The following PKD1L1 variants were observed in gnomAD, a reference collection of about 807,000 sequenced individuals.
PKD1L1 encodes polycystin-1-like protein 1.
In PKD1L1, 236 loss-of-function variants were observed where a neutral mutation model predicts 323.4. The observed-to-expected ratio is 0.73, with a 90% CI of 0.66 to 0.81. PKD1L1 has a LOEUF of 0.81. PKD1L1 is among the 40% of genes least tolerant of loss of function. PKD1L1 has a pLI of 0.00. For synonymous variants in PKD1L1, 1,344 were observed against 1,335.0 expected (o/e 1.01, Z -0.15); for missense variants, 3,320 against 3,508.0 (o/e 0.95, Z 1.35).
intron 45 of PKD1L1, among the ~76,000 whole-genome samples, chr7:47,821,647 T>G (rs1257336690): frequency 1.8e-5 from 2 of 110,496 alleles, no homozygotes; most frequent in African/African-American, 2.7e-5. Flanking sequence ...TGTGTTGGGG[T>G]TTATTTATTT....
At chr7:47,808,798 G>C (rs899620718) in intron 51 of PKD1L1, among the ~76,000 whole-genome samples, 6 of 152,218 alleles carry the variant, frequency 3.9e-5, no homozygotes, top group African/African-American at 1.4e-4. Flanking sequence ...TGCAGGACCA[G>C]AAGTGGCTCT....
In PKD1L1 at chr7:47,865,199, G is replaced by A; in HGVS notation, c.4149+17C>T. On this transcript the variant is annotated intron_variant, in intron 26 of 56. Transcript: ENST00000289672. ...ATATAAAATAGGAAAATATTTCTGG[G>A]AAAAAATTGCACTTACCTTATTAGA... is the stretch of plus-strand genomic sequence containing the variant. 1.9e-6 allele frequency: 3 copies of A among 1,599,908 alleles called. No individual in the cohort carries two copies. The highest frequency in any genetic ancestry group is 8.5e-7 in the Non-Finnish European group (1 of 1,169,718).
chr7:47,953,801 T>C, the PKD1L1 span, among the ~76,000 whole-genome samples: 1 of 152,252 alleles, frequency 6.6e-6, no homozygotes. Context: ...TTATGTGCTC[T>C]GCCTCCTTGG....
At position 47,929,449 on chromosome 7, in the gene PKD1L1, G is replaced by T. The variant is rs1212545757; in HGVS notation, c.815C>A (p.Pro272His). The change falls in exon 7 of 57, where the codon CCC becomes CAC. Residue 272 changes from proline (P) to histidine (H), a missense_variant. Transcript: ENST00000289672. The part of the protein sequence containing the change: ...ASQSGSEILY[P>H]PTQHPPVAIL... Reference sequence around the variant, plus strand: ...GGCCACAGGAGGATGCTGAGTAGGGGGATAGAGGATCTCAGAACCAGACTG... The same window carrying T: ...GGCCACAGGAGGATGCTGAGTAGGGTGATAGAGGATCTCAGAACCAGACTG... The T allele has an allele frequency of 6.2e-7, 1 of 1,613,974 alleles. No individual in the cohort carries two copies. Among genetic ancestry groups the T allele is most frequent in the African/African-American group, 1.3e-5 (1 of 74,904 alleles).
intron 49 of PKD1L1, among the ~76,000 whole-genome samples, chr7:47,812,262 C>T (rs189906181): frequency 6.6e-6 from 1 of 152,232 alleles, no homozygotes; most frequent in East Asian, 1.9e-4. Flanking sequence ...TTGCCCCACC[C>T]TCTTCCCTGC....
chr7:47,852,128 T>C (rs1785794916), intron 31 of PKD1L1, among the ~76,000 whole-genome samples: 1 of 152,122 alleles, frequency 6.6e-6, no homozygotes, highest in Non-Finnish European at 1.5e-5. Flanking sequence ...TGCAACTTTC[T>C]CTCTAACGGC....
At chr7:47,948,515 A>C, upstream of PKD1L1, 1 of 1,419,368 alleles carries the variant, frequency 7.0e-7, no homozygotes, top group Admixed American at 1.7e-5. Flanking sequence ...AGACAAAGAA[A>C]TAGAGCTTAA....
chr7:47,846,250 C>A (rs1011612347), intron 32 of PKD1L1, among the ~76,000 whole-genome samples: 2 of 152,036 alleles, frequency 1.3e-5, no homozygotes, highest in Admixed American at 6.5e-5. Flanking sequence ...GTAAGGGCAA[C>A]AAAAAAGAAT....
In PKD1L1 at chr7:47,839,997, A is replaced by C. The variant is rs1785535301; in HGVS notation, c.5553-335T>G. 6.6e-6 allele frequency among the ~76,000 whole-genome samples: 1 copy of C among 152,330 alleles called. No homozygotes were observed. The highest frequency in any genetic ancestry group is 2.1e-4 in the South Asian group (1 of 4,830). On this transcript the variant is annotated intron_variant, in intron 35 of 56. Coordinates refer to ENST00000289672, the MANE Select transcript of PKD1L1 (RefSeq NM_138295.5). This position sits in a 1 kb window ranked among gnomAD's most constrained non-coding sequence, Gnocchi z 4.3. ...CTCTTAATGAAGACATAATACTCCA[A>C]ACCTATAAATATCATACATGAAATT...
chr7:47,832,941 T>C (rs1230004814), intron 41 of PKD1L1, 149 bp downstream of exon 41: 1 of 1,056,408 alleles, frequency 9.5e-7, no homozygotes, highest in East Asian at 2.7e-5. Context: ...ACGCCTCAGT[T>C]TTGGGTGGGC....
chr7:47,960,690 A>AT, the PKD1L1 span, among the ~76,000 whole-genome samples: 1 of 141,188 alleles, frequency 7.1e-6, no homozygotes, highest in South Asian at 2.2e-4. Context: ...AATTTTTCTA[A>AT]TTAAAAAAAA....
At chr7:47,928,308 C>T (rs959743840) in intron 7 of PKD1L1, among the ~76,000 whole-genome samples, 1 of 152,196 alleles carries the variant, frequency 6.6e-6, no homozygotes, top group African/African-American at 2.4e-5. Context: ...GTGGCTCACA[C>T]CTGTAATCCC....
At chr7:47,816,048 G>A (rs1002940027) in intron 46 of PKD1L1, among the ~76,000 whole-genome samples, 2 of 152,154 alleles carry the variant, frequency 1.3e-5, no homozygotes, top group Non-Finnish European at 2.9e-5. Flanking sequence ...GGAAGGTGTC[G>A]GGGCCACAGG....
In PKD1L1 at chr7:47,845,068, G is replaced by A. The variant is rs1200815308; in HGVS notation, c.5164C>T (p.Leu1722Phe). ...PEKVNCSYHRLAAFALLRRKL... is the reference protein window; with the variant it reads ...PEKVNCSYHRFAAFALLRRKL... ...CTCCTTAGGAGAGCGAATGCCGCGA[G>A]GCGATGGTAGCTAGGAGGGAAATGC... The change falls in exon 33 of 57, where the codon CTC becomes TTC. Residue 1722 changes from leucine (L) to phenylalanine (F), a missense_variant. Physicochemically the swap from Leu to Phe is conservative, Grantham distance 22. Transcript: ENST00000289672. The A allele has an allele frequency of 6.2e-7, 1 of 1,613,514 alleles. No individual in the cohort carries two copies. Among genetic ancestry groups the A allele is most frequent in the African/African-American group, 1.3e-5 (1 of 74,932 alleles).
intron 4 of PKD1L1, among the ~76,000 whole-genome samples, chr7:47,934,584 A>AAAC (rs562867705): frequency 1.3e-5 from 2 of 152,180 alleles, no homozygotes; most frequent in East Asian, 1.9e-4. Flanking sequence ...TTCTTTAGGA[A>AAAC]AACAACAACA....
intron 26 of PKD1L1, among the ~76,000 whole-genome samples, chr7:47,861,710 G>A (rs905559486): frequency 6.6e-6 from 1 of 151,662 alleles, no homozygotes; most frequent in Non-Finnish European, 1.5e-5. Flanking sequence ...GTGAAATCCC[G>A]TCTCTACTAA....
At chr7:47,938,740 C>T (rs1332581800) in intron 3 of PKD1L1, among the ~76,000 whole-genome samples, 2 of 152,140 alleles carry the variant, frequency 1.3e-5, no homozygotes, top group African/African-American at 4.8e-5. Flanking sequence ...TGGTCAAATC[C>T]TAAAGGCATC....
chr7:47,947,008 G>A (rs950259758), intron 1 of PKD1L1, among the ~76,000 whole-genome samples: 1 of 152,154 alleles, frequency 6.6e-6, no homozygotes, highest in African/African-American at 2.4e-5. Flanking sequence ...AGGTCAAATT[G>A]GGCCAACATC....
At chr7:47,887,022 T>C (rs984482842) in intron 17 of PKD1L1, among the ~76,000 whole-genome samples, 6 of 148,964 alleles carry the variant, frequency 4.0e-5, no homozygotes, top group Non-Finnish European at 7.4e-5. Flanking sequence ...GGCCATGATT[T>C]ACTTTGCTGA....
Sources: gnomAD v4.1 joint callset for allele counts (sites outside exome capture counted in the v4.1 genomes callset) on GRCh38, gnomAD v4.1.1 for gene constraint, Gnocchi (gnomAD v3.1) non-coding constraint, MANE v1.5 for transcripts, NCBI Gene and HGNC (gene_info 2026-07-23, HGNC 2026-07-21) for gene names.